The following CTDSPL2 variants were observed in gnomAD, a reference collection of about 807,000 sequenced individuals.
CTDSPL2 encodes the protein CTD small phosphatase like 2, also known as CTD small phosphatase-like protein 2.
A neutral mutation model predicts 60.0 loss-of-function variants in CTDSPL2; 5 were observed. That is an observed-to-expected ratio of 0.08 (90% confidence interval 0.04 to 0.18). CTDSPL2 has a LOEUF of 0.18. Among genes scored for constraint, CTDSPL2 ranks in the 10% least tolerant of loss-of-function variants. CTDSPL2 has a pLI of 1.00. For synonymous variants in CTDSPL2, 186 were observed against 189.3 expected (o/e 0.98, Z 0.14); for missense variants, 370 against 548.8 (o/e 0.67, Z 3.26).
intron 8 of CTDSPL2, among the ~76,000 whole-genome samples, chr15:44,510,292 C>T (rs899623645): frequency 1.3e-5 from 2 of 152,206 alleles, no homozygotes; most frequent in African/African-American, 4.8e-5. Flanking sequence ...GCCACCATGC[C>T]TGGCACCACA....
chr15:44,432,359 G>A (rs571561748), intron 1 of CTDSPL2, among the ~76,000 whole-genome samples: 4 of 150,572 alleles, frequency 2.7e-5, no homozygotes, highest in African/African-American at 2.4e-5. Flanking sequence ...TTGCTCTGTC[G>A]CCCAGGCTGG....
Position 44,527,209 on chromosome 15 carries a change from A to AT in CTDSPL2, c.*3039dup, listed in dbSNP as rs1476082539. 2.0e-5 allele frequency: 3 copies of AT among 151,748 alleles called. No individual in the cohort carries two copies. The highest frequency in any genetic ancestry group is 4.9e-5 in the African/African-American group (2 of 41,204). 9.4% of individuals were successfully genotyped at this position (151,748 alleles called of 1,614,324 possible). The stretch of plus-strand genomic sequence containing the variant: ...CATTGTGTAACTTCTATAAACGGCT[A>AT]TTTTCTTGTAACTGTCAGTGAAATG... On this transcript the variant is annotated 3_prime_UTR_variant, in exon 13 of 13. Transcript: ENST00000260327.
chr15:44,456,116 C>G (rs999728478), intron 1 of CTDSPL2, among the ~76,000 whole-genome samples: 5 of 152,050 alleles, frequency 3.3e-5, no homozygotes, highest in Non-Finnish European at 7.4e-5. Context: ...TCCCAAAGTG[C>G]TGGGATTACA....
intron 5 of CTDSPL2, among the ~76,000 whole-genome samples, chr15:44,491,242 T>C (rs914817659): frequency 1.3e-5 from 2 of 152,226 alleles, no homozygotes; most frequent in African/African-American, 4.8e-5. Flanking sequence ...CTACTAATCT[T>C]ATTGCTTGGA....
At chr15:44,523,925 C>T (rs1033978130) in intron 12 of CTDSPL2, among the ~76,000 whole-genome samples, 184 bp from the exon 13 acceptor site, 3 of 152,074 alleles carry the variant, frequency 2.0e-5, no homozygotes, top group East Asian at 3.9e-4. Context: ...AAAAAGAAAT[C>T]TTCAACGAAA....
At chr15:44,447,292 GA>G (rs1240155553) in intron 1 of CTDSPL2, among the ~76,000 whole-genome samples, 1 of 152,120 alleles carries the variant, frequency 6.6e-6, no homozygotes. Context: ...TTTTGGAAAA[GA>G]ATAGATTGAG....
chr15:44,435,285 T>C (rs1350235368), intron 1 of CTDSPL2, among the ~76,000 whole-genome samples: 1 of 149,424 alleles, frequency 6.7e-6, no homozygotes, highest in African/African-American at 2.5e-5. Context: ...AAAGAATCCT[T>C]CTAACTGTGC....
At chr15:44,499,219 A>G (rs1005065205) in intron 7 of CTDSPL2, among the ~76,000 whole-genome samples, 1 of 152,110 alleles carries the variant, frequency 6.6e-6, no homozygotes, top group Non-Finnish European at 1.5e-5. Context: ...AGCCTGACCA[A>G]CATGGTGAAA....
chr15:44,512,207 C>A (rs879909186), intron 8 of CTDSPL2, among the ~76,000 whole-genome samples: 19 of 150,912 alleles, frequency 1.3e-4, no homozygotes, highest in East Asian at 7.8e-4. Flanking sequence ...AAAAAAAAAA[C>A]AAAAACAGCC....
At chr15:44,428,131 T>C (rs116317537) in intron 1 of CTDSPL2, 94 of 155,330 alleles carry the variant, frequency 6.1e-4, no homozygotes, top group African/African-American at 2.2e-3. Flanking sequence ...TTTTAACCTT[T>C]TTGGCCCACC....
chr15:44,459,154 G>A lies in CTDSPL2; in HGVS notation c.140G>A (p.Gly47Asp). The change falls in exon 2 of 13, where the codon GGC (glycine) becomes GAC (aspartate). Residue 47 changes from glycine to aspartate, a missense_variant. By Grantham distance (94) the Gly-to-Asp change is moderately conservative. This residue lies in a region of CTDSPL2 where 287 missense variants were observed against 296.1 expected (regional missense o/e 0.97). Coordinates refer to ENST00000260327, the MANE Select transcript of CTDSPL2 (RefSeq NM_016396.3). ...GGEKPSKNET[G>D]LLSSIKKFIK... ...GAAAAACCATCGAAGAATGAAACCG[G>A]CTTGTTGTCTTCAATTAAAAAATTT... is the stretch of plus-strand genomic sequence containing the variant. 1 of 1,611,296 alleles carries A rather than the reference G, an allele frequency of 6.2e-7. No individual in the cohort carries two copies. The highest frequency in any genetic ancestry group is 8.5e-7 in the Non-Finnish European group (1 of 1,178,904).
intron 1 of CTDSPL2, among the ~76,000 whole-genome samples, chr15:44,435,565 C>G (rs1314711253): frequency 1.4e-5 from 2 of 147,260 alleles, no homozygotes; most frequent in Non-Finnish European, 3.0e-5. Flanking sequence ...GAAACTCTGT[C>G]TCAAAACCAA....
intron 8 of CTDSPL2, among the ~76,000 whole-genome samples, chr15:44,505,257 C>A (rs988072244): frequency 6.6e-6 from 1 of 151,802 alleles, no homozygotes; most frequent in African/African-American, 2.4e-5. Context: ...TGTAGTGAGA[C>A]CTTGTCTCCA....
intron 1 of CTDSPL2, among the ~76,000 whole-genome samples, chr15:44,445,577 T>C (rs2080193470): frequency 6.6e-6 from 1 of 152,176 alleles, no homozygotes; most frequent in Non-Finnish European, 1.5e-5. Flanking sequence ...ATTTGTAACA[T>C]TGTTTCTATC....
rs569828059 is a variant in CTDSPL2 at position 44,442,418 on chromosome 15, G to A, written c.-25+14646G>A. Among the ~76,000 whole-genome samples the A allele has an allele frequency of 2.7e-5, 4 of 148,974 alleles. 1 individual carries two copies. Among genetic ancestry groups the A allele is most frequent in the African/African-American group, 1.0e-4 (4 of 40,116 alleles). ...GCTGAGATCATGCCACTGCACTCCA[G>A]CCTGGGTGACAGAGCAAGACTCTGT... On this transcript the variant is annotated intron_variant, in intron 1 of 12. Transcript: ENST00000260327.
At chr15:44,462,347 C>T (rs974985642) in intron 2 of CTDSPL2, among the ~76,000 whole-genome samples, 10 of 152,116 alleles carry the variant, frequency 6.6e-5, no homozygotes, top group South Asian at 2.1e-4. Flanking sequence ...AGTCCCCAAC[C>T]GTTTTGGCAC....
chr15:44,513,769 TG>T (rs2081606021), intron 8 of CTDSPL2, among the ~76,000 whole-genome samples: 1 of 152,266 alleles, frequency 6.6e-6, no homozygotes, highest in African/African-American at 2.4e-5. Flanking sequence ...TGTAAAATTT[TG>T]TAACAAAATG....
In CTDSPL2 at chr15:44,445,632, CT is replaced by C. The variant is rs145662794; in HGVS notation, c.-24-13350del. Among the ~76,000 whole-genome samples, 769 of 148,874 alleles carry C rather than the reference CT, an allele frequency of 5.2e-3. 6 individuals carry two copies. The highest frequency in any genetic ancestry group is 0.019 in the African/African-American group (753 of 40,642). ...CATACCAGCCAATTTGAAAACACAG[CT>C]TTTTTTTTGCTTTTTTTTTTTTGAG... is the stretch of plus-strand genomic sequence containing the variant. On this transcript the variant is annotated intron_variant, in intron 1 of 12. Coordinates refer to ENST00000260327, the MANE Select transcript of CTDSPL2 (RefSeq NM_016396.3).
chr15:44,462,638 C>A (rs2080596017), intron 2 of CTDSPL2, among the ~76,000 whole-genome samples: 1 of 151,704 alleles, frequency 6.6e-6, no homozygotes, highest in Admixed American at 6.6e-5. Flanking sequence ...TCCTAACAGG[C>A]CATGGACTGG....
Sources: gnomAD v4.1 joint callset for allele counts (sites outside exome capture counted in the v4.1 genomes callset) on GRCh38, gnomAD v4.1.1 for gene constraint, gnomAD v4.1.1 regional missense constraint, MANE v1.5 for transcripts, NCBI Gene and HGNC (gene_info 2026-07-23, HGNC 2026-07-21) for gene names.